CDS1: variants seen among roughly 807,000 people sequenced by gnomAD.
CDS1 encodes phosphatidate cytidylyltransferase 1.
Under a neutral mutation model 62.1 loss-of-function variants are expected in CDS1, and 41 were observed. The observed-to-expected ratio is 0.66, with a 90% CI of 0.51 to 0.86. The LOEUF is 0.86. Among genes scored for constraint, CDS1 ranks in the 40% least tolerant of loss-of-function variants. The pLI is 0.00. For synonymous variants in CDS1, 185 were observed against 192.6 expected (o/e 0.96, Z 0.32); for missense variants, 470 against 550.1 (o/e 0.85, Z 1.46).
At chr4:84,635,683 C>T (rs1724180392) in intron 8 of CDS1, among the ~76,000 whole-genome samples, 1 of 131,526 alleles carries the variant, frequency 7.6e-6, no homozygotes, top group African/African-American at 3.1e-5. Context: ...TCCTTCCTTC[C>T]TTCCTTCCCT....
chr4:84,607,441 C>T (rs528854293), intron 2 of CDS1, among the ~76,000 whole-genome samples: 4 of 151,794 alleles, frequency 2.6e-5, no homozygotes, highest in East Asian at 1.9e-4. Context: ...CCACTCCCCC[C>T]GCCCCTCAGT....
chr4:84,646,718 C>G (rs1448413003), intron 12 of CDS1, among the ~76,000 whole-genome samples: 1 of 152,096 alleles, frequency 6.6e-6, no homozygotes, highest in Non-Finnish European at 1.5e-5. Flanking sequence ...AGTACATGCT[C>G]CATGGGCAAA....
rs536408933 is a variant in CDS1, at chr4:84,631,897, C to T, written c.639+20C>T. On this transcript the variant is annotated intron_variant, in intron 6 of 12. Coordinates refer to ENST00000295887, the MANE Select transcript of CDS1 (RefSeq NM_001263.4). ...TATATGGTGTGTATTAACTATTATT[C>T]CTTAGTCATTATCTGTGATAAAAAC... The T allele has an allele frequency of 3.0e-5, 46 of 1,547,794 alleles. 4 individuals are homozygous for T. The South Asian group carries it at 5.1e-4, about 17-fold the overall frequency.
chr4:84,584,378 C>G (rs552096578), intron 1 of CDS1, among the ~76,000 whole-genome samples: 1 of 152,266 alleles, frequency 6.6e-6, no homozygotes, highest in Admixed American at 6.5e-5. Flanking sequence ...TGTATCAAAC[C>G]GTCTGTTTAG....
At chr4:84,630,146 C>G (rs187871476) in intron 5 of CDS1, among the ~76,000 whole-genome samples, 1 of 152,292 alleles carries the variant, frequency 6.6e-6, no homozygotes, top group East Asian at 1.9e-4. Flanking sequence ...CAAGATAAGT[C>G]TACCTGCTGT....
At chr4:84,630,379 A>G (rs1286232891) in intron 5 of CDS1, among the ~76,000 whole-genome samples, 1 of 152,138 alleles carries the variant, frequency 6.6e-6, no homozygotes, top group African/African-American at 2.4e-5. Context: ...ATAGATGACA[A>G]ATAGGAGGTG....
At chr4:84,599,414 A>ATGTG in intron 1 of CDS1, among the ~76,000 whole-genome samples, 2 of 16,078 alleles carry the variant, frequency 1.2e-4, no homozygotes, top group African/African-American at 2.0e-4. Flanking sequence ...ACATATATAT[A>ATGTG]TATATATATA....
At chr4:84,589,426 C>G (rs995507620) in intron 1 of CDS1, among the ~76,000 whole-genome samples, 2 of 152,148 alleles carry the variant, frequency 1.3e-5, no homozygotes, top group South Asian at 2.1e-4. Context: ...GCTGATGTCA[C>G]CTGTAAGTGT....
chr4:84,643,217 G>A (rs1444333839), intron 11 of CDS1, 74 bp downstream of exon 11: 21 of 1,464,378 alleles, frequency 1.4e-5, no homozygotes, highest in Admixed American at 5.2e-5. Flanking sequence ...AATTTGGTCC[G>A]CTCATGATCT....
intron 1 of CDS1, among the ~76,000 whole-genome samples, chr4:84,587,034 C>T (rs944905514): frequency 1.1e-4 from 16 of 152,056 alleles, no homozygotes; most frequent in African/African-American, 3.9e-4. Context: ...AAGAGGGATG[C>T]ATGTCTTTTC....
intron 8 of CDS1, among the ~76,000 whole-genome samples, chr4:84,638,595 C>T (rs1724285407): frequency 6.6e-6 from 1 of 152,044 alleles, no homozygotes; most frequent in Non-Finnish European, 1.5e-5. Flanking sequence ...TTTATATTAG[C>T]ATAAGAGTCA....
chr4:84,618,190 A>G (rs953452441), intron 4 of CDS1, among the ~76,000 whole-genome samples: 11 of 152,202 alleles, frequency 7.2e-5, no homozygotes, highest in African/African-American at 2.7e-4. Flanking sequence ...ACATGATAAC[A>G]TTATAGTTCA....
At chr4:84,599,781 C>G (rs1374614627) in intron 1 of CDS1, among the ~76,000 whole-genome samples, 1 of 152,028 alleles carries the variant, frequency 6.6e-6, no homozygotes, top group Non-Finnish European at 1.5e-5. Flanking sequence ...TTGTCCATTT[C>G]CCTGTTGGCT....
At chr4:84,619,042 T>TACAC (rs1491302704) in intron 4 of CDS1, among the ~76,000 whole-genome samples, 2 of 97,590 alleles carry the variant, frequency 2.0e-5, no homozygotes, top group South Asian at 3.9e-4. Context: ...GTATTAAATT[T>TACAC]ATACACACAC....
intron 1 of CDS1, among the ~76,000 whole-genome samples, chr4:84,601,165 C>A (rs1578022514): frequency 1.1e-4 from 3 of 28,042 alleles, no homozygotes; most frequent in South Asian, 2.1e-3. Flanking sequence ...AGAGTAAGAC[C>A]CTGTCTCAAA....
intron 1 of CDS1, among the ~76,000 whole-genome samples, chr4:84,583,881 A>G (rs1722335784): frequency 6.6e-6 from 1 of 151,966 alleles, no homozygotes; most frequent in Admixed American, 6.5e-5. Context: ...CTGCCACCTC[A>G]CCTCTCTTTT....
chr4:84,602,398 C>T (rs868820911), intron 1 of CDS1, among the ~76,000 whole-genome samples: 7 of 152,246 alleles, frequency 4.6e-5, no homozygotes, highest in African/African-American at 1.2e-4. Flanking sequence ...TTGCAGAGAA[C>T]TTTAATATTT....
At chr4:84,599,333 T>G in intron 1 of CDS1, among the ~76,000 whole-genome samples, 1 of 150,892 alleles carries the variant, frequency 6.6e-6, no homozygotes, top group East Asian at 2.0e-4. Context: ...CATTGTATAA[T>G]TTGTTTTTTG....
chr4:84,635,073 T>C (rs1055726608), intron 7 of CDS1, among the ~76,000 whole-genome samples, 191 bp from the exon 8 acceptor site: 1 of 152,196 alleles, frequency 6.6e-6, no homozygotes, highest in African/African-American at 2.4e-5. Context: ...CTGTTTAAAT[T>C]GGTAAGTGGG....
Sources: allele counts gnomAD v4.1 joint callset (sites outside exome capture counted in the v4.1 genomes callset), GRCh38; gene constraint gnomAD v4.1.1; transcripts MANE v1.5; gene names NCBI Gene and HGNC (gene_info 2026-07-23, HGNC 2026-07-21).